Variants in CDC42BPG observed in about 807,000 individuals in gnomAD.
CDC42BPG encodes the protein CDC42 binding protein kinase gamma.
Under a neutral mutation model 192.2 loss-of-function variants are expected in CDC42BPG, and 157 were observed. The observed-to-expected ratio is 0.82, with a 90% CI of 0.72 to 0.93. The LOEUF (loss-of-function observed/expected upper bound fraction) is 0.93, where lower values mean the gene tolerates loss of function less well. CDC42BPG is among the 40% of genes least tolerant of loss of function. CDC42BPG has a pLI of 0.00. For missense variants in CDC42BPG, 1,992 were observed against 2,122.1 expected, an observed-to-expected ratio of 0.94 and a Z score of 1.20; for synonymous variants, 981 against 918.5, an observed-to-expected ratio of 1.07 and a Z score of -1.23.
chr11:64,838,165 G>C lies in CDC42BPG; in HGVS notation c.1126-3C>G. ...TGGGAGGGCGGTGGCAGGGTCCCCTGCAGAGGGAGAGGGAAGGAGAGTCAG... is the reference window on the plus strand; with the variant it reads ...TGGGAGGGCGGTGGCAGGGTCCCCTCCAGAGGGAGAGGGAAGGAGAGTCAG... On this transcript the variant is annotated splice_region_variant and splice_polypyrimidine_tract_variant and intron_variant, in intron 8 of 36. Coordinates refer to ENST00000342711, the MANE Select transcript of CDC42BPG (RefSeq NM_017525.3). 1 of 1,550,890 alleles carries C rather than the reference G, an allele frequency of 6.4e-7. No individual in the cohort carries two copies. Among genetic ancestry groups the C allele is most frequent in the South Asian group, 1.2e-5 (1 of 84,062 alleles).
rs760885215 is a variant in CDC42BPG, at chr11:64,827,366, C to T, written c.4183G>A (p.Asp1395Asn). Reference protein sequence around the residue: ...KDEFDIPDLTDNSRRQLFRTK... With the variant: ...KDEFDIPDLTNNSRRQLFRTK... ...CGGAACAGCTGGCGCCGGCTGTTGT[C>T]GGTGAGGTCCGGGATGTCGAACTCG... Residue 1395 changes from aspartate to asparagine, a missense_variant, in exon 33 of 37, where the codon GAC becomes AAC. Asp to Asn is a conservative substitution (Grantham distance 23). Coordinates refer to ENST00000342711, the MANE Select transcript of CDC42BPG (RefSeq NM_017525.3). 8.1e-6 allele frequency: 13 copies of T among 1,613,918 alleles called. No individual in the cohort carries two copies. The highest frequency in any genetic ancestry group is 1.0e-5 in the Non-Finnish European group (12 of 1,179,910).
chr11:64,844,510 C>T lies in CDC42BPG; in HGVS notation c.60G>A (p.Pro20=). 2.2e-6 allele frequency: 3 copies of T among 1,340,528 alleles called. No homozygotes were observed. The highest frequency in any genetic ancestry group is 3.7e-5 in the Admixed American group (1 of 27,066). 83.0% of individuals were successfully genotyped at this position (1,340,528 alleles called of 1,614,324 possible). A position where few individuals can be genotyped will look rare whatever the true frequency, so the allele number is the denominator to read the frequency against. ...QLARGEAGGC[P]GLDGLLDLLL... ...GCAGATCTAGGAGGCCGTCGAGCCC[C>T]GGGCAGCCGCCGGCCTCGCCCCGCG... Residue 20 remains proline (P), a synonymous_variant, in exon 1 of 37, where the codon CCG becomes CCA. Coordinates refer to ENST00000342711, the MANE Select transcript of CDC42BPG (RefSeq NM_017525.3).
Position 64,835,846 on chromosome 11 carries a change from C to G in CDC42BPG, c.1674G>C (p.Glu558Asp). 1 of 1,610,640 alleles carries G rather than the reference C, an allele frequency of 6.2e-7. No homozygotes were observed. The highest frequency in any genetic ancestry group is 8.5e-7 in the Non-Finnish European group (1 of 1,179,216). ...GCCGGCTCAGGGAGGACACCTGGGC[C>G]TCCAGCTGTGAGGGGTGCAGAGGCA... ...EEARAAQREL[E>D]AQVSSLSRQV... The change falls in exon 14 of 37, where the codon GAG becomes GAC. Residue 558 changes from glutamate to aspartate, a missense_variant. Transcript: ENST00000342711.
In CDC42BPG at chr11:64,827,113, G is replaced by A; in HGVS notation, c.4326C>T (p.Asn1442=). Residue 1442 remains asparagine (N), a synonymous_variant, in exon 34 of 37, where the codon AAC becomes AAT. Coordinates refer to ENST00000342711, the MANE Select transcript of CDC42BPG (RefSeq NM_017525.3). ...GGCCCACGTGTACTAGGTGGTTGAA[G>A]TTGGTAGGCGGCGAGATGAGCTTGG... is the stretch of plus-strand genomic sequence containing the variant. ...VRSKLISPPT[N]FNHLVHVGPA... 1 of 1,614,176 alleles carries A rather than the reference G, an allele frequency of 6.2e-7. No individual in the cohort carries two copies. Among genetic ancestry groups the A allele is most frequent in the Non-Finnish European group, 8.5e-7 (1 of 1,180,000 alleles).
chr11:64,833,520 G>A (rs933882430), intron 23 of CDC42BPG, 80 bp downstream of exon 23: 44 of 1,340,430 alleles, frequency 3.3e-5, no homozygotes, highest in Non-Finnish European at 4.3e-5. Flanking sequence ...CACGATGCAC[G>A]TGGAGTGTCC....
At chr11:64,826,881 C>T in intron 34 of CDC42BPG, 87 bp from the exon 35 acceptor site, 1 of 1,367,266 alleles carries the variant, frequency 7.3e-7, no homozygotes. Flanking sequence ...GACAAATGAA[C>T]GCCACTGGGC....
Position 64,841,638 on chromosome 11 carries a change from C to A in CDC42BPG, c.336+12G>T. The A allele has an allele frequency of 1.9e-6, 3 of 1,612,240 alleles. No homozygotes were observed. The highest frequency in any genetic ancestry group is 2.5e-6 in the Non-Finnish European group (3 of 1,179,168). On this transcript the variant is annotated intron_variant, in intron 3 of 36. Transcript: ENST00000342711. ...GTAGGGTGCCCAAGGGCCCCCCAGA[C>A]TCCACACTGACCTCAGCCCTCTTCA...
intron 20 of CDC42BPG, 121 bp from the exon 21 acceptor site, chr11:64,834,098 G>C: frequency 6.9e-7 from 1 of 1,452,184 alleles, no homozygotes; most frequent in Non-Finnish European, 9.6e-7. Flanking sequence ...GCAGGGCTGG[G>C]CACAGCAGGC....
At chr11:64,835,448 T>G in intron 15 of CDC42BPG, 29 bp from the exon 16 acceptor site, 1 of 1,612,572 alleles carries the variant, frequency 6.2e-7, no homozygotes, top group Non-Finnish European at 8.5e-7. Context: ...AGGCCGTGAC[T>G]CACCGCCCAG....
chr11:64,826,215 G>A (rs963677549), intron 36 of CDC42BPG, among the ~76,000 whole-genome samples: 1 of 152,198 alleles, frequency 6.6e-6, no homozygotes, highest in Non-Finnish European at 1.5e-5. Flanking sequence ...CAAGATCAGG[G>A]AGGTTGGGCA....
intron 23 of CDC42BPG, 48 bp downstream of exon 23, chr11:64,833,552 G>T: frequency 1.3e-6 from 2 of 1,538,888 alleles, no homozygotes; most frequent in Non-Finnish European, 1.8e-6. Context: ...ATTCAGCCTG[G>T]CAGAACTGCT....
chr11:64,829,756 C>T lies in CDC42BPG; in HGVS notation c.3682G>A (p.Val1228Met). The change falls in exon 30 of 37, where the codon GTG (valine) becomes ATG (methionine). Residue 1228 changes from valine to methionine, a missense_variant. This residue lies in a region of CDC42BPG where 1,656 missense variants were observed against 1,844.3 expected (regional missense o/e 0.90). Coordinates refer to ENST00000342711, the MANE Select transcript of CDC42BPG (RefSeq NM_017525.3). ...TCGCCCAGCAGCCCCAGGCTCTGCA[C>T]AGTGGCAGGTGCCTGCAGCTCACGG... ...RIRELQAPAT[V>M]QSLGLLGDRL... 6.2e-7 allele frequency: 1 copy of T among 1,603,134 alleles called. No individual in the cohort carries two copies. Among genetic ancestry groups the T allele is most frequent in the Non-Finnish European group, 8.5e-7 (1 of 1,176,158 alleles).
chr11:64,830,294 C>T, intron 28 of CDC42BPG, 38 bp from the exon 29 acceptor site: 1 of 1,536,346 alleles, frequency 6.5e-7, no homozygotes, highest in South Asian at 1.2e-5. Flanking sequence ...GTCAGCAGTC[C>T]CACTCAATGA....
chr11:64,836,663 G>A, intron 11 of CDC42BPG, 76 bp downstream of exon 11: 1 of 1,106,780 alleles, frequency 9.0e-7, no homozygotes, highest in Non-Finnish European at 1.3e-6. Context: ...CATACAGCTT[G>A]TCCAGGGCAG....
At chr11:64,836,649 G>C (rs1211698611) in intron 11 of CDC42BPG, 90 bp downstream of exon 11, 2 of 1,109,186 alleles carry the variant, frequency 1.8e-6, no homozygotes, top group East Asian at 6.7e-5. Context: ...TGCTCTCCCA[G>C]GATCATACAG....
At position 64,840,171 on chromosome 11, in the gene CDC42BPG, G is replaced by A; in HGVS notation, c.530C>T (p.Ala177Val). The change falls in exon 5 of 37, where the codon GCT becomes GTT. Residue 177 changes from alanine (A) to valine (V), a missense_variant. Physicochemically the swap from Ala to Val is moderately conservative, Grantham distance 64 (BLOSUM62 0). This residue lies in a region of CDC42BPG where 1,656 missense variants were observed against 1,844.3 expected (regional missense o/e 0.90). Coordinates refer to ENST00000342711, the MANE Select transcript of CDC42BPG (RefSeq NM_017525.3). ...CGAGTGGATGGCCAGCACCATCTCA[G>A]CCAGGTAGAACTGGGCCAGCTCGGG... ...LPPELAQFYL[A>V]EMVLAIHSLH... is the part of the protein sequence containing the mutation. 6.2e-7 allele frequency: 1 copy of A among 1,613,144 alleles called. No homozygotes were observed. The highest frequency in any genetic ancestry group is 8.5e-7 in the Non-Finnish European group (1 of 1,179,948).
Position 64,827,126 on chromosome 11 carries a change from G to C in CDC42BPG, c.4313C>G (p.Ser1438Trp). ...TAGGTGGTTGAAGTTGGTAGGCGGC[G>C]AGATGAGCTTGGAGCGCACAAAAGG... is the stretch of plus-strand genomic sequence containing the variant. The part of the protein sequence containing the change: ...KDPFVRSKLI[S>W]PPTNFNHLVH... Residue 1438 changes from serine (S) to tryptophan (W), a missense_variant, in exon 34 of 37, where the codon TCG becomes TGG. Transcript: ENST00000342711. The C allele has an allele frequency of 6.2e-7, 1 of 1,614,160 alleles. No individual in the cohort carries two copies. Among genetic ancestry groups the C allele is most frequent in the South Asian group, 1.1e-5 (1 of 91,086 alleles).
intron 13 of CDC42BPG, 84 bp downstream of exon 13, chr11:64,836,033 A>G: frequency 6.9e-7 from 1 of 1,446,326 alleles, no homozygotes. Flanking sequence ...GGGAGGCAGC[A>G]TCTCCCACCA....
intron 36 of CDC42BPG, among the ~76,000 whole-genome samples, chr11:64,826,237 G>C (rs1942409325): frequency 6.6e-6 from 1 of 152,194 alleles, no homozygotes; most frequent in Non-Finnish European, 1.5e-5. Context: ...TTTGCCCAGA[G>C]CCACACAGCT....
Sources: gnomAD v4.1 joint callset for allele counts (sites outside exome capture counted in the v4.1 genomes callset) on GRCh38, gnomAD v4.1.1 for gene constraint, gnomAD v4.1.1 regional missense constraint, MANE v1.5 for transcripts, NCBI Gene and HGNC (gene_info 2026-07-23, HGNC 2026-07-21) for gene names.